SHANK1: variants seen among roughly 807,000 people sequenced by gnomAD.
SHANK1 encodes SH3 and multiple ankyrin repeat domains protein 1.
In SHANK1, 35 loss-of-function variants were observed where a neutral mutation model predicts 165.6. The ratio of observed to expected loss-of-function variants is 0.21; its 90% CI spans 0.16 to 0.28. The LOEUF (loss-of-function observed/expected upper bound fraction) is 0.28. Among genes scored for constraint, SHANK1 ranks in the 10% least tolerant of loss-of-function variants. The pLI is 1.00. For missense variants in SHANK1, 2,681 were observed against 3,036.4 expected, an observed-to-expected ratio of 0.88 and a Z score of 2.75; for synonymous variants, 1,428 against 1,384.8, an observed-to-expected ratio of 1.03 and a Z score of -0.69.
chr19:50,687,730 A>G, intron 18 of SHANK1, 68 bp from the exon 19 acceptor site: 1 of 1,379,126 alleles, frequency 7.3e-7, no homozygotes, highest in Non-Finnish European at 9.7e-7. Context: ...CTACCACCAC[A>G]GGGCTCCCAG....
chr19:50,667,970 G>T lies in SHANK1; in HGVS notation c.3990C>A (p.Thr1330=). The change falls in exon 23 of 24, where the codon ACC becomes ACA. Residue 1330 remains threonine (T), a synonymous_variant. Coordinates refer to ENST00000293441, the MANE Select transcript of SHANK1 (RefSeq NM_016148.5). The surrounding 1 kb of genome is among the most constrained non-coding windows in gnomAD (Gnocchi z 5.7). The part of the protein sequence containing the change: ...YGGGGGSSAF[T]SFLPPRPLVH... ...CCAGGGGTCGCGGGGGCAGGAAGCT[G>T]GTGAAGGCGCTGCTGCCCCCGCCAC... The T allele has an allele frequency of 6.9e-7, 1 of 1,439,984 alleles. No individual in the cohort carries two copies. 89.2% of individuals were successfully genotyped at this position (1,439,984 alleles called of 1,614,324 possible).
At chr19:50,681,495 G>C (rs1365669478) in intron 21 of SHANK1, among the ~76,000 whole-genome samples, 1 of 152,144 alleles carries the variant, frequency 6.6e-6, no homozygotes, top group African/African-American at 2.4e-5. Context: ...GGTCTTTGGA[G>C]CTCAGAGGGT....
Position 50,662,476 on chromosome 19 carries a change from G to T in SHANK1, c.5975C>A (p.Pro1992His), listed in dbSNP as rs1599835027. The change falls in exon 24 of 24, where the codon CCC becomes CAC. Residue 1992 changes from proline (P) to histidine (H), a missense_variant. By Grantham distance (77) the Pro-to-His change is moderately conservative. Coordinates refer to ENST00000293441, the MANE Select transcript of SHANK1 (RefSeq NM_016148.5). This position sits in a 1 kb window ranked among gnomAD's most constrained non-coding sequence, Gnocchi z 7.7. ...GCTGGGGGCCCGGCGGAGCAGAGGG[G>T]GCCGCATCTCGAACTCCACGCCCTG... ...HLQGVEFEMR[P>H]PLLRRAPSPS... The T allele has an allele frequency of 2.6e-6, 4 of 1,553,738 alleles. No individual in the cohort carries two copies. The highest frequency in any genetic ancestry group is 3.5e-6 in the Non-Finnish European group (4 of 1,149,446).
chr19:50,701,691 C>T (rs1986920053), intron 12 of SHANK1, among the ~76,000 whole-genome samples: 1 of 152,184 alleles, frequency 6.6e-6, no homozygotes, highest in Admixed American at 6.5e-5. Context: ...GGCTCTCAAC[C>T]TCTATACCGC....
chr19:50,679,164 G>A (rs1167237960), intron 21 of SHANK1, among the ~76,000 whole-genome samples: 1 of 146,474 alleles, frequency 6.8e-6, no homozygotes, highest in Non-Finnish European at 1.5e-5. Flanking sequence ...ACAGGTAAGG[G>A]GTGAGGGTGA....
chr19:50,692,007 G>A (rs542771583), intron 15 of SHANK1, among the ~76,000 whole-genome samples: 1 of 152,218 alleles, frequency 6.6e-6, no homozygotes, highest in Admixed American at 6.5e-5. Context: ...TATAGGTGAG[G>A]AAACAGAGGC....
At position 50,687,586 on chromosome 19, in the gene SHANK1, C is replaced by G. The variant is rs1248953124; in HGVS notation, c.2385G>C (p.Glu795Asp). 1.9e-6 allele frequency: 3 copies of G among 1,547,818 alleles called. No homozygotes were observed. The highest frequency in any genetic ancestry group is 2.6e-6 in the Non-Finnish European group (3 of 1,145,412). ...TCAGCAGCCCCGCAGGCTCACCCAT[C>G]TCCTCCAGCTCTGAGGTCATAGATT... ...RSKSMTSELE[E>D]MEYEQQPAPV... The change falls in exon 19 of 24, where the codon GAG (glutamate) becomes GAC (aspartate). Residue 795 changes from glutamate (E) to aspartate (D), a missense_variant. Physicochemically the swap from Glu to Asp is conservative, Grantham distance 45. Coordinates refer to ENST00000293441, the MANE Select transcript of SHANK1 (RefSeq NM_016148.5).
At position 50,668,072 on chromosome 19, in the gene SHANK1, C is replaced by T. The variant is rs1300910057; in HGVS notation, c.3888G>A (p.Glu1296=). ...CCGCAGACTCCAGTCGGAGGTAGGG[C>T]TCGGCGGAGAACATGCCCTCGTCGA... ...KSIDEGMFSA[E]PYLRLESAGS... is the part of the protein sequence containing the mutation. Residue 1296 remains glutamate, a synonymous_variant, in exon 23 of 24, where the codon GAG becomes GAA. Coordinates refer to ENST00000293441, the MANE Select transcript of SHANK1 (RefSeq NM_016148.5). 1.4e-6 allele frequency: 2 copies of T among 1,480,436 alleles called. No homozygotes were observed. Among genetic ancestry groups the T allele is most frequent in the African/African-American group, 1.5e-5 (1 of 68,382 alleles). The allele number at this position is 1,480,436 out of a possible 1,614,324, so 91.7% of individuals were successfully genotyped here. A position where few individuals can be genotyped will look rare whatever the true frequency, so the allele number is the denominator to read the frequency against.
At chr19:50,679,522 C>T (rs1986104577) in intron 21 of SHANK1, among the ~76,000 whole-genome samples, 1 of 152,126 alleles carries the variant, frequency 6.6e-6, no homozygotes, top group Non-Finnish European at 1.5e-5. Flanking sequence ...GCATTCGCTC[C>T]CGCGCAGAAG....
At position 50,716,625 on chromosome 19, in the gene SHANK1, C is replaced by T; in HGVS notation, c.255+40G>A. The T allele has an allele frequency of 6.4e-7, 1 of 1,552,582 alleles. No homozygotes were observed. The highest frequency in any genetic ancestry group is 8.7e-7 in the Non-Finnish European group (1 of 1,146,392). On this transcript the variant is annotated intron_variant, in intron 2 of 23. Transcript: ENST00000293441. This position sits in a 1 kb window ranked among gnomAD's most constrained non-coding sequence, Gnocchi z 8.4. ...TGGACTCCCCATGTCGGTTGGGGCA[C>T]TGTCCCTCTCCTGCCGCTGGCCAGT...
Position 50,716,890 on chromosome 19 carries a change from G to A in SHANK1, c.30C>T (p.Asp10=), listed in dbSNP as rs1424979324. The A allele has an allele frequency of 2.7e-6, 4 of 1,460,792 alleles. No homozygotes were observed. Among genetic ancestry groups the A allele is most frequent in the Non-Finnish European group, 2.7e-6 (3 of 1,104,852 alleles). 90.5% of individuals were successfully genotyped at this position (1,460,792 alleles called of 1,614,324 possible). The change falls in exon 2 of 24, where the codon GAC becomes GAT. Residue 10 remains aspartate (D), a synonymous_variant. Transcript: ENST00000293441. This position sits in a 1 kb window ranked among gnomAD's most constrained non-coding sequence, Gnocchi z 8.4. MTHSPATSE[D]EERHSASECP... ...ACTCGCTGGCACTGTGGCGTTCCTCGTCCTCGCTTGTCGCGGGGCTGTGGG... is the reference window on the plus strand; with the variant it reads ...ACTCGCTGGCACTGTGGCGTTCCTCATCCTCGCTTGTCGCGGGGCTGTGGG...
At chr19:50,705,883 G>A (rs896521625) in intron 8 of SHANK1, among the ~76,000 whole-genome samples, 1 of 152,164 alleles carries the variant, frequency 6.6e-6, no homozygotes, top group Non-Finnish European at 1.5e-5. Flanking sequence ...TGGGCCAGGG[G>A]TGGTGGCTCA....
At chr19:50,693,371 C>T (rs1986605075) in intron 15 of SHANK1, among the ~76,000 whole-genome samples, 1 of 150,306 alleles carries the variant, frequency 6.7e-6, no homozygotes, top group Admixed American at 6.6e-5. Flanking sequence ...CCCCTCTAGT[C>T]CCTCCCCCTT....
At position 50,686,124 on chromosome 19, in the gene SHANK1, A is replaced by G; in HGVS notation, c.2577+113T>C. ...ACCCTAGGATGTGTGTCGCCCCTCC[A>G]GGACCAGCCTAAAGCACAGAGGCGT... On this transcript the variant is annotated intron_variant, in intron 21 of 23. Coordinates refer to ENST00000293441, the MANE Select transcript of SHANK1 (RefSeq NM_016148.5). This position sits in a 1 kb window ranked among gnomAD's most constrained non-coding sequence, Gnocchi z 5.7. 1.8e-6 allele frequency: 1 copy of G among 565,688 alleles called. No individual in the cohort carries two copies. Among genetic ancestry groups the G allele is most frequent in the Non-Finnish European group, 3.1e-6 (1 of 324,210 alleles). 35.0% of individuals were successfully genotyped at this position (565,688 alleles called of 1,614,324 possible). A position where few individuals can be genotyped will look rare whatever the true frequency, so the allele number is the denominator to read the frequency against.
Position 50,697,569 on chromosome 19 carries a change from G to T in SHANK1, c.1937+20C>A. The T allele has an allele frequency of 6.3e-7, 1 of 1,599,344 alleles. No homozygotes were observed. The highest frequency in any genetic ancestry group is 8.6e-7 in the Non-Finnish European group (1 of 1,166,608). The stretch of plus-strand genomic sequence containing the variant: ...GAACTTGGGGTGAGGGGGGTTGCCC[G>T]AGGGTGTAAGGACATTTACCTTGGG... On this transcript the variant is annotated intron_variant, in intron 14 of 23. Coordinates refer to ENST00000293441, the MANE Select transcript of SHANK1 (RefSeq NM_016148.5). This position sits in a 1 kb window ranked among gnomAD's most constrained non-coding sequence, Gnocchi z 4.7.
intron 8 of SHANK1, among the ~76,000 whole-genome samples, chr19:50,706,703 G>A (rs1262185590): frequency 5.3e-5 from 8 of 151,750 alleles, no homozygotes; most frequent in Admixed American, 5.3e-4. Flanking sequence ...CCTCTTCAGA[G>A]AGGTCTTCTC....
In SHANK1 at chr19:50,711,499, A is replaced by T; in HGVS notation, c.961-12T>A. The T allele has an allele frequency of 6.4e-7, 1 of 1,557,074 alleles. No individual in the cohort carries two copies. The highest frequency in any genetic ancestry group is 1.8e-5 in the Admixed American group (1 of 54,264). ...CCCCGCTGGCAGGCCTGGGCAGGAC[A>T]GGGAGCGAGGGGCATGGATCAGACC... On this transcript the variant is annotated splice_polypyrimidine_tract_variant and intron_variant, in intron 7 of 23. Transcript: ENST00000293441.
rs184964883 is a variant in SHANK1, at chr19:50,681,818, C to G, written c.2577+4419G>C. On this transcript the variant is annotated intron_variant, in intron 21 of 23. Transcript: ENST00000293441. ...GACAGGTCTCATTCTGTTGCCCAGGCTGGAGCTCAGTGGCGCAAGCATGGC... is the reference window on the plus strand; with the variant it reads ...GACAGGTCTCATTCTGTTGCCCAGGGTGGAGCTCAGTGGCGCAAGCATGGC... Among the ~76,000 whole-genome samples, 89 of 152,252 alleles carry G rather than the reference C, an allele frequency of 5.8e-4. 1 individual carries two copies. The highest frequency in any genetic ancestry group is 2.1e-3 in the African/African-American group (86 of 41,538).
intron 15 of SHANK1, 123 bp downstream of exon 15, chr19:50,696,971 TAC>T: frequency 1.2e-6 from 1 of 805,458 alleles, no homozygotes. Flanking sequence ...CATGCACACC[TAC>T]AGAGACACAC....
Sources: allele counts gnomAD v4.1 joint callset (sites outside exome capture counted in the v4.1 genomes callset), GRCh38; gene constraint gnomAD v4.1.1; non-coding constraint Gnocchi (gnomAD v3.1); transcripts MANE v1.5; gene names NCBI Gene and HGNC (gene_info 2026-07-23, HGNC 2026-07-21).